CPSF4: variants seen among roughly 807,000 people sequenced by gnomAD.
CPSF4 encodes cleavage and polyadenylation specific factor 4, also known as cleavage and polyadenylation specificity factor subunit 4.
CPSF4 carries 11 observed loss-of-function variants against 37.7 expected under a neutral mutation model. That is an observed-to-expected ratio of 0.29 (90% CI 0.18 to 0.48). CPSF4 has a LOEUF of 0.48. Among genes scored for constraint, CPSF4 ranks in the 20% least tolerant of loss-of-function variants. The pLI, the probability that CPSF4 is intolerant of heterozygous loss-of-function variation, is 0.99. For synonymous variants in CPSF4, 132 were observed against 135.9 expected (o/e 0.97, Z 0.20); for missense variants, 144 against 359.5 (o/e 0.40, Z 4.85).
At chr7:99,444,124 C>T (rs1249631672) in intron 1 of CPSF4, among the ~76,000 whole-genome samples, 2 of 152,058 alleles carry the variant, frequency 1.3e-5, no homozygotes, top group African/African-American at 4.8e-5. Context: ...TCTGTGAATT[C>T]GCCCTCCTGG....
rs1317584110 is a variant in CPSF4 at position 99,456,477 on chromosome 7, T to G, written c.787T>G (p.Leu263Val). 6.2e-7 allele frequency: 1 copy of G among 1,614,066 alleles called. No individual in the cohort carries two copies. Among genetic ancestry groups the G allele is most frequent in the African/African-American group, 1.3e-5 (1 of 74,954 alleles). Reference protein sequence around the residue: ...HYANRCTKGHLAFLSGQ With the variant: ...HYANRCTKGHVAFLSGQ ...CGCCAACAGATGCACCAAAGGGCAC[T>G]TGGCCTTTCTCAGTGGACAGTGACA... Residue 263 changes from leucine (L) to valine (V), a missense_variant, in exon 8 of 8, where the codon TTG (leucine) becomes GTG (valine). Physicochemically the swap from Leu to Val is conservative, Grantham distance 32. Transcript: ENST00000292476.
intron 7 of CPSF4, among the ~76,000 whole-genome samples, chr7:99,456,087 CCTG>C (rs1798286026): frequency 6.6e-6 from 1 of 152,248 alleles, no homozygotes; most frequent in Admixed American, 6.5e-5. Flanking sequence ...TTCTCTTTGT[CCTG>C]CTACCCACTT....
chr7:99,452,768 C>T, intron 6 of CPSF4: 1 of 294,592 alleles, frequency 3.4e-6, no homozygotes, highest in Non-Finnish European at 6.5e-6. Context: ...GCGGCCTGGG[C>T]ACCGTGTCTG....
Position 99,448,209 on chromosome 7 carries a change from G to A in CPSF4, c.243G>A (p.Gln81=), listed in dbSNP as rs1797679126. The change falls in exon 3 of 8, where the codon CAG becomes CAA. Residue 81 remains glutamine, a synonymous_variant. Coordinates refer to ENST00000292476, the MANE Select transcript of CPSF4 (RefSeq NM_006693.4). This position sits in a 1 kb window ranked among gnomAD's most constrained non-coding sequence, Gnocchi z 4.4. The part of the protein sequence containing the change: ...WLRGLCKKGD[Q]CEFLHEYDMT... ...GTGGCCTATGCAAGAAAGGGGACCAGTGTGAGTTCCTGCATGAGTATGACA... is the reference window on the plus strand; with the variant it reads ...GTGGCCTATGCAAGAAAGGGGACCAATGTGAGTTCCTGCATGAGTATGACA... The A allele has an allele frequency of 6.2e-7, 1 of 1,614,068 alleles. No homozygotes were observed. The highest frequency in any genetic ancestry group is 1.3e-5 in the African/African-American group (1 of 74,934).
chr7:99,455,315 T>G (rs1584518797), intron 7 of CPSF4, among the ~76,000 whole-genome samples: 1 of 152,062 alleles, frequency 6.6e-6, no homozygotes, highest in Non-Finnish European at 1.5e-5. Flanking sequence ...GTGAGCAGGG[T>G]GTGTGGTCCC....
intron 6 of CPSF4, 80 bp downstream of exon 6, chr7:99,452,520 C>A: frequency 3.1e-6 from 4 of 1,287,936 alleles, no homozygotes; most frequent in South Asian, 2.4e-5. Flanking sequence ...GGGGTGTGGT[C>A]TGCCTTAGAC....
chr7:99,441,019 C>T (rs1273396025), intron 1 of CPSF4, among the ~76,000 whole-genome samples: 1 of 145,940 alleles, frequency 6.9e-6, no homozygotes, highest in African/African-American at 2.6e-5. Flanking sequence ...GGTGCGATCT[C>T]GGCTCACTGC....
At chr7:99,442,749 C>G (rs77374893) in intron 1 of CPSF4, 6 of 598,194 alleles carry the variant, frequency 1.0e-5, no homozygotes, top group Non-Finnish European at 1.8e-5. Flanking sequence ...GTCAAACTGC[C>G]GCGGCAGTTC....
chr7:99,439,237 G>C (rs752388475), intron 1 of CPSF4, 52 bp downstream of exon 1: 1 of 1,342,764 alleles, frequency 7.4e-7, no homozygotes, highest in Admixed American at 2.2e-5. Flanking sequence ...CCCGGGACCC[G>C]CTCCTCTGTG....
In CPSF4 at chr7:99,453,637, C is replaced by A; in HGVS notation, c.571-329C>A. On this transcript the variant is annotated intron_variant, in intron 6 of 7. Transcript: ENST00000292476. This position sits in a 1 kb window ranked among gnomAD's most constrained non-coding sequence, Gnocchi z 4.7. ...ACATCTGGCTGAACCAAGCGTTCAT[C>A]CTGACCTGAAGCCAGAACCTCAGAA... The A allele has an allele frequency of 4.0e-6, 1 of 248,376 alleles. No homozygotes were observed. Among genetic ancestry groups the A allele is most frequent in the Non-Finnish European group, 7.7e-6 (1 of 130,492 alleles). 15.4% of individuals were successfully genotyped at this position (248,376 alleles called of 1,614,324 possible).
rs1798364302 is a variant in CPSF4 at position 99,457,134 on chromosome 7, G to A, written c.*634G>A. On this transcript the variant is annotated 3_prime_UTR_variant, in exon 8 of 8. Coordinates refer to ENST00000292476, the MANE Select transcript of CPSF4 (RefSeq NM_006693.4). Reference sequence around the variant, plus strand: ...GTACGTGCCTGACAGTGTTTAAGGTGTCCGTTGAACTGGAGTTGCAGACTT... The same window carrying A: ...GTACGTGCCTGACAGTGTTTAAGGTATCCGTTGAACTGGAGTTGCAGACTT... 6.0e-6 allele frequency: 1 copy of A among 167,628 alleles called. No individual in the cohort carries two copies. The highest frequency in any genetic ancestry group is 1.5e-4 in the South Asian group (1 of 6,846). 10.4% of individuals were successfully genotyped at this position (167,628 alleles called of 1,614,324 possible). A position where few individuals can be genotyped will look rare whatever the true frequency, so the allele number is the denominator to read the frequency against.
intron 6 of CPSF4, 94 bp downstream of exon 6, chr7:99,452,534 G>A (rs1033580639): frequency 8.8e-6 from 10 of 1,140,390 alleles, no homozygotes; most frequent in Admixed American, 3.6e-5. Context: ...CTTAGACCCC[G>A]CTGGACAACT....
chr7:99,452,496 C>G (rs1362804812), intron 6 of CPSF4, 56 bp downstream of exon 6: 5 of 1,485,672 alleles, frequency 3.4e-6, no homozygotes, highest in Non-Finnish European at 4.7e-6. Context: ...CAGCGAGAAC[C>G]TCAGTGTCCC....
Position 99,452,097 on chromosome 7 carries a change from G to A in CPSF4, c.498-271G>A, listed in dbSNP as rs192735751. Among the ~76,000 whole-genome samples the A allele has an allele frequency of 7.2e-5, 11 of 152,262 alleles. No homozygotes were observed. In the East Asian group the frequency reaches 2.1e-3, roughly 30 times the overall value. ...CCTTTGTCATTTCCGAGAAGCACTG[G>A]CCATGAGTCTCCCAGCTCGGTGTAG... On this transcript the variant is annotated intron_variant, in intron 5 of 7. Transcript: ENST00000292476.
intron 1 of CPSF4, 198 bp downstream of exon 1, chr7:99,439,383 C>G: frequency 2.0e-6 from 1 of 508,524 alleles, no homozygotes; most frequent in Non-Finnish European, 3.5e-6. Flanking sequence ...TCCTGGGATC[C>G]TCCCCTTTAG....
chr7:99,443,859 C>T (rs979638173), intron 1 of CPSF4, among the ~76,000 whole-genome samples: 3 of 152,058 alleles, frequency 2.0e-5, no homozygotes, highest in Non-Finnish European at 4.4e-5. Flanking sequence ...GCAGAGGTTA[C>T]GGTGAGCCAA....
At chr7:99,441,066 T>C (rs772459702) in intron 1 of CPSF4, among the ~76,000 whole-genome samples, 5 of 151,530 alleles carry the variant, frequency 3.3e-5, no homozygotes, top group African/African-American at 7.3e-5. Flanking sequence ...TTCTGCTGCC[T>C]TGGCCTCCTG....
At chr7:99,442,141 C>G (rs1191667681) in intron 1 of CPSF4, among the ~76,000 whole-genome samples, 1 of 152,176 alleles carries the variant, frequency 6.6e-6, no homozygotes, top group Non-Finnish European at 1.5e-5. Flanking sequence ...GTTAAGTGGG[C>G]TTCAGAGATG....
chr7:99,447,042 T>C (rs113737589), intron 2 of CPSF4, among the ~76,000 whole-genome samples: 15,245 of 151,080 alleles, frequency 0.1, 1,377 homozygotes, highest in African/African-American at 0.25. Flanking sequence ...GCACCTGCCT[T>C]GGCCTCCCAA....
Sources: gnomAD v4.1 joint callset for allele counts (sites outside exome capture counted in the v4.1 genomes callset) on GRCh38, gnomAD v4.1.1 for gene constraint, Gnocchi (gnomAD v3.1) non-coding constraint, MANE v1.5 for transcripts, NCBI Gene and HGNC (gene_info 2026-07-23, HGNC 2026-07-21) for gene names.